CES5A: variants seen among roughly 807,000 people sequenced by gnomAD.
CES5A encodes the protein carboxylesterase 5A.
CES5A carries 67 observed loss-of-function variants against 62.9 expected under a neutral mutation model. The observed-to-expected ratio is 1.07, with a 90% CI of 0.88 to 1.31. The LOEUF (loss-of-function observed/expected upper bound fraction) is 1.31, where lower values mean the gene tolerates loss of function less well. Among genes scored for constraint, CES5A ranks in the 50% most tolerant of loss-of-function variants. The pLI, the probability that CES5A is intolerant of heterozygous loss-of-function variation, is 0.00. For synonymous variants in CES5A, 296 were observed against 280.8 expected (o/e 1.05, Z -0.54); for missense variants, 748 against 708.5 (o/e 1.06, Z -0.63).
chr16:55,889,879 G>A (rs1184135498), intron 1 of CES5A, among the ~76,000 whole-genome samples: 5 of 152,082 alleles, frequency 3.3e-5, no homozygotes, highest in African/African-American at 9.7e-5. Flanking sequence ...TATTTAAGAG[G>A]TTTTAGGAGC....
At chr16:55,949,683 C>T (rs775456879) in intron 2 of CES5A, 21 of 437,494 alleles carry the variant, frequency 4.8e-5, no homozygotes, top group South Asian at 2.6e-4. Context: ...AGGGAATTCC[C>T]GGTGGAAGTA....
chr16:55,891,145 T>G (rs2033872443), intron 1 of CES5A, among the ~76,000 whole-genome samples: 1 of 152,078 alleles, frequency 6.6e-6, no homozygotes, highest in Non-Finnish European at 1.5e-5. Flanking sequence ...CTCGTCACTC[T>G]CTTTAAATTA....
At position 55,949,866 on chromosome 16, in the gene CES5A, G is replaced by C. The variant is rs1274970689; in HGVS notation, c.79C>G (p.Leu27Val). The change falls in exon 2 of 14, where the codon CTG (leucine) becomes GTG (valine). Residue 27 changes from leucine to valine, a missense_variant. By Grantham distance (32) the Leu-to-Val change is conservative (BLOSUM62 1). Transcript: ENST00000521992. ...GAGGCTGGATAAAAATAGTAAACCAGGCACAATCTCCACATTCCCCTTCTT... is the reference window on the plus strand; with the variant it reads ...GAGGCTGGATAAAAATAGTAAACCACGCACAATCTCCACATTCCCCTTCTT... The C allele has an allele frequency of 1.2e-5, 18 of 1,520,668 alleles. No homozygotes were observed. In the Admixed American group the frequency reaches 3.4e-4, roughly 29 times the overall value. The allele number at this position is 1,520,668 out of a possible 1,614,324, so 94.2% of individuals were successfully genotyped here.
intron 9 of CES5A, among the ~76,000 whole-genome samples, chr16:55,854,216 G>C (rs575525217): frequency 6.6e-6 from 1 of 152,100 alleles, no homozygotes; most frequent in African/African-American, 2.4e-5. Context: ...ACTACTTACT[G>C]TTTAAAAAGC....
intron 2 of CES5A, among the ~76,000 whole-genome samples, chr16:55,873,275 C>G (rs1334682594): frequency 6.6e-6 from 1 of 152,100 alleles, no homozygotes; most frequent in Non-Finnish European, 1.5e-5. Flanking sequence ...AGAGTCCCTG[C>G]GTCACAGAGA....
At chr16:55,939,042 G>A (rs912101576) in intron 2 of CES5A, among the ~76,000 whole-genome samples, 1 of 151,664 alleles carries the variant, frequency 6.6e-6, no homozygotes, top group Non-Finnish European at 1.5e-5. Flanking sequence ...TTGGCAAGCT[G>A]ATTAGGAGTT....
In CES5A at chr16:55,937,738, T is replaced by A. The variant is rs566624013; in HGVS notation, c.160+12047A>T. Among the ~76,000 whole-genome samples the A allele has an allele frequency of 2.0e-5, 3 of 152,214 alleles. No individual in the cohort carries two copies. The East Asian group carries it at 5.8e-4, about 29-fold the overall frequency. ...GGACACAGAAGGAGCCCACGCACCT[T>A]CTTCATAATTCTTCTCTTTATGTTA... is the stretch of plus-strand genomic sequence containing the variant. On this transcript the variant is annotated intron_variant, in intron 2 of 13. Coordinates refer to the CES5A transcript ENST00000521992.
At chr16:55,895,202 G>GTT (rs367703014) in intron 1 of CES5A, among the ~76,000 whole-genome samples, 1 of 151,622 alleles carries the variant, frequency 6.6e-6, no homozygotes, top group African/African-American at 2.4e-5. Context: ...TAATTTGGTT[G>GTT]TTTTTTTTTC....
intron 2 of CES5A, among the ~76,000 whole-genome samples, chr16:55,931,439 G>A (rs1416234001): frequency 1.3e-5 from 2 of 152,168 alleles, no homozygotes; most frequent in African/African-American, 4.8e-5. Context: ...ACAGCCTACT[G>A]ATGCAAGGTC....
chr16:55,938,765 A>AATATATATATAT (rs763759878), intron 2 of CES5A, among the ~76,000 whole-genome samples: 5 of 39,200 alleles, frequency 1.3e-4, no homozygotes, highest in Non-Finnish European at 1.7e-4. Flanking sequence ...AAAAAAAAAA[A>AATATATATATAT]ATATATATAT....
chr16:55,849,350 T>TAA (rs57836141), intron 11 of CES5A, among the ~76,000 whole-genome samples: 4,122 of 149,292 alleles, frequency 0.028, 286 homozygotes, highest in East Asian at 0.25. Flanking sequence ...TCTAGTATAT[T>TAA]AAAAAAAAAA....
At position 55,873,956 on chromosome 16, in the gene CES5A, A is replaced by C; in HGVS notation, c.155T>G (p.Val52Gly). 6.2e-7 allele frequency: 1 copy of C among 1,613,542 alleles called. No individual in the cohort carries two copies. The change falls in exon 2 of 13, where the codon GTG becomes GGG. Residue 52 changes from valine (V) to glycine (G), a missense_variant. Transcript: ENST00000290567. ...GACTCCGAGGAACACGTTCACAGGC[A>C]CAGGGCTTCCCAGCACAGTGACTTG... is the stretch of plus-strand genomic sequence containing the variant. ...GKQVTVLGSP[V>G]PVNVFLGVPF... is the part of the protein sequence containing the mutation.
upstream of CES5A, among the ~76,000 whole-genome samples, chr16:55,877,870 C>T (rs2033714875): frequency 6.6e-6 from 1 of 152,180 alleles, no homozygotes; most frequent in Admixed American, 6.5e-5. Flanking sequence ...AGGTTTCCTG[C>T]CCTCGAGCTG....
chr16:55,920,917 C>G (rs751523880), intron 1 of CES5A, among the ~76,000 whole-genome samples: 16 of 152,072 alleles, frequency 1.1e-4, no homozygotes, highest in Non-Finnish European at 2.1e-4. Flanking sequence ...TTAACAAAGA[C>G]TGAAATAATT....
At chr16:55,884,649 T>C (rs2033796501) in intron 1 of CES5A, among the ~76,000 whole-genome samples, 1 of 151,976 alleles carries the variant, frequency 6.6e-6, no homozygotes. Flanking sequence ...TGGAGTGCAA[T>C]AGCATGATCA....
At chr16:55,874,995 T>A (rs1233232963) in intron 1 of CES5A, among the ~76,000 whole-genome samples, 154 bp downstream of exon 1, 2 of 152,116 alleles carry the variant, frequency 1.3e-5, no homozygotes, top group Non-Finnish European at 2.9e-5. Flanking sequence ...TGGTCCTAGG[T>A]TCTCGGCAAC....
At chr16:55,902,635 C>T (rs1399925448) in intron 1 of CES5A, among the ~76,000 whole-genome samples, 1 of 152,202 alleles carries the variant, frequency 6.6e-6, no homozygotes, top group Non-Finnish European at 1.5e-5. Context: ...TTATTCACGG[C>T]ATCATTTGCA....
intron 5 of CES5A, among the ~76,000 whole-genome samples, chr16:55,865,252 T>C (rs1180988952): frequency 7.9e-5 from 12 of 152,266 alleles, no homozygotes; most frequent in African/African-American, 2.9e-4. Context: ...TGTATGTATA[T>C]ATATAAAATA....
rs2034185301 is a variant in CES5A, at chr16:55,919,914, T to C, written c.-256+5409A>G. ...AGGAGTCCTGAAAGGCAGCTATAGT[T>C]ATTATCCCTATTCTCCAGAAGAGAA... is the stretch of plus-strand genomic sequence containing the variant. On this transcript the variant is annotated intron_variant, in intron 1 of 12. Coordinates refer to the CES5A transcript ENST00000518005. 2.0e-5 allele frequency among the ~76,000 whole-genome samples: 3 copies of C among 152,286 alleles called. No homozygotes were observed. The South Asian group carries it at 6.2e-4, about 32-fold the overall frequency.
Sources: gnomAD v4.1 joint callset for allele counts (sites outside exome capture counted in the v4.1 genomes callset) on GRCh38, gnomAD v4.1.1 for gene constraint, MANE v1.5 for transcripts, NCBI Gene and HGNC (gene_info 2026-07-23, HGNC 2026-07-21) for gene names.